DPYD: variants seen among roughly 807,000 people sequenced by gnomAD.
The protein encoded by DPYD is dihydropyrimidine dehydrogenase [NADP(+)].
In DPYD, 109 loss-of-function variants were observed where a neutral mutation model predicts 116.2. That is an observed-to-expected ratio of 0.94 (90% CI 0.80 to 1.10). The LOEUF (loss-of-function observed/expected upper bound fraction) is 1.10, where lower values mean the gene tolerates loss of function less well. Among genes scored for constraint, DPYD ranks in the 50% least tolerant of loss-of-function variants. The pLI, the probability that DPYD is intolerant of heterozygous loss-of-function variation, is 0.00. For synonymous variants in DPYD, 440 were observed against 432.0 expected (o/e 1.02, Z -0.23); for missense variants, 1,302 against 1,254.5 (o/e 1.04, Z -0.57).
intron 16 of DPYD, among the ~76,000 whole-genome samples, chr1:97,332,254 T>C (rs1357431196): frequency 1.3e-5 from 2 of 152,202 alleles, no homozygotes; most frequent in African/African-American, 4.8e-5. Flanking sequence ...GCTTCTGTTT[T>C]ACAATTTAAC....
intron 13 of DPYD, among the ~76,000 whole-genome samples, chr1:97,477,569 T>C (rs1293715240): frequency 1.3e-5 from 2 of 151,848 alleles, no homozygotes; most frequent in African/African-American, 4.8e-5. Context: ...CTCCTGTTAA[T>C]ATGAAGATTC....
At chr1:97,889,512 T>G (rs1454596895) in intron 1 of DPYD, among the ~76,000 whole-genome samples, 2 of 151,792 alleles carry the variant, frequency 1.3e-5, no homozygotes, top group African/African-American at 4.8e-5. Context: ...ACAAAAAAAT[T>G]TACTAGAAAT....
chr1:97,714,818 A>G (rs1456652086), intron 5 of DPYD, among the ~76,000 whole-genome samples: 3 of 152,152 alleles, frequency 2.0e-5, no homozygotes, highest in Admixed American at 2.0e-4. Context: ...CTGTGGCCTT[A>G]CAGCCAGAAA....
intron 10 of DPYD, among the ~76,000 whole-genome samples, chr1:97,591,970 GGAGAAAA>G (rs1418536502): frequency 6.6e-6 from 1 of 151,946 alleles, no homozygotes; most frequent in Admixed American, 6.6e-5. Flanking sequence ...TAGATTGGAT[GGAGAAAA>G]GTCCAGATAA....
intron 3 of DPYD, among the ~76,000 whole-genome samples, chr1:97,805,680 T>G (rs1319470901): frequency 6.6e-6 from 1 of 151,032 alleles, no homozygotes. Flanking sequence ...ATAAGAGATC[T>G]GAGAAAGCAA....
intron 2 of DPYD, among the ~76,000 whole-genome samples, chr1:97,877,529 C>T (rs1331290304): frequency 6.6e-6 from 1 of 151,984 alleles, no homozygotes; most frequent in East Asian, 1.9e-4. Flanking sequence ...TATACAAACA[C>T]TGCATTTTTC....
intron 8 of DPYD, among the ~76,000 whole-genome samples, chr1:97,601,738 C>T (rs748984262): frequency 6.6e-6 from 1 of 151,930 alleles, no homozygotes; most frequent in South Asian, 2.1e-4. Context: ...CAATGATGGC[C>T]TATTGTGGTT....
At chr1:97,578,188 GTATT>G (rs1283076364) in intron 10 of DPYD, among the ~76,000 whole-genome samples, 1 of 152,058 alleles carries the variant, frequency 6.6e-6, no homozygotes, top group Non-Finnish European at 1.5e-5. Flanking sequence ...ATGGTAATAA[GTATT>G]TATAACACTT....
At chr1:97,783,903 C>A (rs777429011) in intron 3 of DPYD, among the ~76,000 whole-genome samples, 29 of 152,268 alleles carry the variant, frequency 1.9e-4, no homozygotes, top group Non-Finnish European at 4.0e-4. Context: ...TCTCATGCTT[C>A]CAATAAAATA....
chr1:97,184,350 C>T (rs1657852426), intron 20 of DPYD, among the ~76,000 whole-genome samples: 1 of 152,082 alleles, frequency 6.6e-6, no homozygotes. Flanking sequence ...ACACTGCTTT[C>T]CACAATGGTT....
At chr1:97,491,089 T>G (rs1463872279) in intron 13 of DPYD, among the ~76,000 whole-genome samples, 1 of 147,962 alleles carries the variant, frequency 6.8e-6, no homozygotes, top group African/African-American at 2.5e-5. Flanking sequence ...TATATAAATA[T>G]GTAAAAATTT....
chr1:97,149,409 C>A (rs1056271803), intron 20 of DPYD, among the ~76,000 whole-genome samples: 1 of 152,110 alleles, frequency 6.6e-6, no homozygotes, highest in African/African-American at 2.4e-5. Flanking sequence ...TGCACTGCCA[C>A]GCCCAGCTAA....
chr1:97,738,355 G>A (rs1046065751), intron 4 of DPYD, among the ~76,000 whole-genome samples: 8 of 152,114 alleles, frequency 5.3e-5, no homozygotes, highest in Non-Finnish European at 1.2e-4. Flanking sequence ...AGAATTGAGT[G>A]TACCTTTCAA....
intron 18 of DPYD, among the ~76,000 whole-genome samples, chr1:97,303,230 G>A (rs909436816): frequency 1.3e-5 from 2 of 151,956 alleles, no homozygotes; most frequent in East Asian, 3.9e-4. Context: ...TGTTCAGGTG[G>A]CTATCCAAAA....
intron 18 of DPYD, among the ~76,000 whole-genome samples, chr1:97,297,114 G>T (rs1469860717): frequency 6.6e-6 from 1 of 152,086 alleles, no homozygotes; most frequent in African/African-American, 2.4e-5. Context: ...GAAAACCACA[G>T]AAATAATGTA....
chr1:97,455,023 G>C (rs1676606560), intron 13 of DPYD, among the ~76,000 whole-genome samples: 1 of 151,730 alleles, frequency 6.6e-6, no homozygotes, highest in South Asian at 2.1e-4. Flanking sequence ...ACAACACAAA[G>C]CAATATATTA....
intron 2 of DPYD, among the ~76,000 whole-genome samples, chr1:97,847,738 C>G (rs1256108633): frequency 6.6e-6 from 1 of 152,076 alleles, no homozygotes; most frequent in African/African-American, 2.4e-5. Context: ...GAAAGAAATA[C>G]TATATACATT....
At chr1:97,574,410 A>G (rs150041771) in intron 10 of DPYD, among the ~76,000 whole-genome samples, 21 of 152,280 alleles carry the variant, frequency 1.4e-4, no homozygotes, top group Non-Finnish European at 1.5e-4. Flanking sequence ...GGGTGAGCCA[A>G]TCTGTGCAAG....
At chr1:97,481,212 T>A (rs1208091914) in intron 13 of DPYD, among the ~76,000 whole-genome samples, 1 of 152,054 alleles carries the variant, frequency 6.6e-6, no homozygotes, top group East Asian at 1.9e-4. Flanking sequence ...AAAATGCACA[T>A]GTGAACGAAC....
Sources: gnomAD v4.1 joint callset for allele counts (sites outside exome capture counted in the v4.1 genomes callset) on GRCh38, gnomAD v4.1.1 for gene constraint, MANE v1.5 for transcripts, NCBI Gene and HGNC (gene_info 2026-07-23, HGNC 2026-07-21) for gene names.